FTCDNL1: variants seen among roughly 807,000 people sequenced by gnomAD.
FTCDNL1 encodes formiminotransferase cyclodeaminase N-terminal like, also known as formiminotransferase N-terminal subdomain-containing protein.
FTCDNL1 carries 11 observed loss-of-function variants against 5.9 expected under a neutral mutation model. That is an observed-to-expected ratio of 1.87 (90% CI 1.18 to 3.10). The LOEUF (loss-of-function observed/expected upper bound fraction) is 3.10. FTCDNL1 is among the 30% of genes most tolerant of loss of function. The pLI is 0.00. For synonymous variants in FTCDNL1, 58 were observed against 24.8 expected (o/e 2.34, Z -3.99); for missense variants, 115 against 65.5 (o/e 1.76, Z -2.61).
chr2:199,837,621 G>A (rs1206616732), intron 3 of FTCDNL1, among the ~76,000 whole-genome samples: 1 of 152,018 alleles, frequency 6.6e-6, no homozygotes, highest in Non-Finnish European at 1.5e-5. Flanking sequence ...GAGTGTTGAC[G>A]CTGTGTGAAT....
the FTCDNL1 span, among the ~76,000 whole-genome samples, chr2:199,664,230 C>A: frequency 6.6e-6 from 1 of 152,048 alleles, no homozygotes; most frequent in African/African-American, 2.4e-5. Flanking sequence ...TTGGCAGAAC[C>A]CCAAATGGGC....
chr2:199,695,222 T>C, the FTCDNL1 span, among the ~76,000 whole-genome samples: 1 of 152,184 alleles, frequency 6.6e-6, no homozygotes, highest in Non-Finnish European at 1.5e-5. Flanking sequence ...ATAATTCTAA[T>C]AGAGGGAAGG....
the FTCDNL1 span, among the ~76,000 whole-genome samples, chr2:199,727,036 T>C: frequency 6.6e-6 from 1 of 152,208 alleles, no homozygotes; most frequent in East Asian, 1.9e-4. Context: ...CCAGAAACCA[T>C]GGCCACCCCT....
the FTCDNL1 span, among the ~76,000 whole-genome samples, chr2:199,699,662 C>A: frequency 6.6e-6 from 1 of 152,118 alleles, no homozygotes; most frequent in African/African-American, 2.4e-5. Flanking sequence ...AAAATACTAA[C>A]AAACCAAATC....
chr2:199,776,136 T>C (rs1699057890), intron 3 of FTCDNL1, among the ~76,000 whole-genome samples: 1 of 151,984 alleles, frequency 6.6e-6, no homozygotes, highest in South Asian at 2.1e-4. Context: ...ATGGTCTCAA[T>C]CTCCTGACCT....
At chr2:199,690,412 C>T in the FTCDNL1 span, among the ~76,000 whole-genome samples, 1 of 152,178 alleles carries the variant, frequency 6.6e-6, no homozygotes, top group Non-Finnish European at 1.5e-5. Flanking sequence ...AGGCCCGTTC[C>T]ATTCACTCCC....
chr2:199,804,859 G>T (rs1400845750), downstream of FTCDNL1, among the ~76,000 whole-genome samples: 1 of 152,150 alleles, frequency 6.6e-6, no homozygotes, highest in Non-Finnish European at 1.5e-5. Flanking sequence ...AAAAAAAATT[G>T]TCAACAGTTG....
At chr2:199,745,143 G>C in the FTCDNL1 span, among the ~76,000 whole-genome samples, 1 of 152,212 alleles carries the variant, frequency 6.6e-6, no homozygotes, top group Non-Finnish European at 1.5e-5. Flanking sequence ...CCACTTCACT[G>C]CAGTGTCTAG....
intron 3 of FTCDNL1, among the ~76,000 whole-genome samples, chr2:199,764,108 T>A (rs901776731): frequency 6.6e-6 from 1 of 152,158 alleles, no homozygotes; most frequent in African/African-American, 2.4e-5. Flanking sequence ...TCCCAAAGTG[T>A]TGGGATAACA....
chr2:199,789,286 A>T (rs1699807378), intron 3 of FTCDNL1, among the ~76,000 whole-genome samples: 1 of 152,186 alleles, frequency 6.6e-6, no homozygotes, highest in Non-Finnish European at 1.5e-5. Context: ...GATATAACGA[A>T]GAGTAGTTTA....
At chr2:199,776,956 ATATGTGTGTGTG>A (rs1699115651) in intron 3 of FTCDNL1, among the ~76,000 whole-genome samples, 1 of 110,172 alleles carries the variant, frequency 9.1e-6, no homozygotes, top group Non-Finnish European at 1.8e-5. Flanking sequence ...AGATGTGTGT[ATATGTGTGTGTG>A]TGTGTGTGTG....
At chr2:199,771,241 C>T (rs908263170) in intron 3 of FTCDNL1, among the ~76,000 whole-genome samples, 2 of 152,158 alleles carry the variant, frequency 1.3e-5, no homozygotes, top group East Asian at 1.9e-4. Flanking sequence ...ATGAAGCCAA[C>T]GGAGTGCTAC....
At chr2:199,756,362 TG>T (rs1247471284), downstream of FTCDNL1, among the ~76,000 whole-genome samples, 3 of 151,960 alleles carry the variant, frequency 2.0e-5, no homozygotes, top group South Asian at 2.1e-4. Flanking sequence ...TGAAAGGGCG[TG>T]GGGGTGGGAG....
At chr2:199,701,299 TAAAAAAAAAAAAAAAAAAAAAAAAAAAAA>T in the FTCDNL1 span, among the ~76,000 whole-genome samples, 11,231 of 72,212 alleles carry the variant, frequency 0.16, 1,524 homozygotes, top group Non-Finnish European at 0.21. Flanking sequence ...CTTGAAAGTT[TAAAAAAAAAAAAAAAAAAAAAAAAAAAAA>T]AAAAAAAAAA....
chr2:199,845,375 T>C (rs1011193002), intron 3 of FTCDNL1, among the ~76,000 whole-genome samples: 3 of 152,104 alleles, frequency 2.0e-5, no homozygotes, highest in Admixed American at 2.0e-4. Flanking sequence ...GAGACCAGCC[T>C]GGCCAACACG....
At chr2:199,794,395 A>G (rs537096179) in intron 3 of FTCDNL1, among the ~76,000 whole-genome samples, 2 of 152,340 alleles carry the variant, frequency 1.3e-5, no homozygotes, top group South Asian at 4.1e-4. Flanking sequence ...CAGTGGCCCA[A>G]AGATTCCAAA....
chr2:199,711,359 G>T, the FTCDNL1 span, among the ~76,000 whole-genome samples: 2 of 127,222 alleles, frequency 1.6e-5, no homozygotes, highest in Admixed American at 1.7e-4. Flanking sequence ...TCTAATGGGG[G>T]TTGTGAGGGG....
chr2:199,782,169 A>G (rs575161141), intron 3 of FTCDNL1, among the ~76,000 whole-genome samples: 2 of 152,312 alleles, frequency 1.3e-5, no homozygotes, highest in East Asian at 3.9e-4. Context: ...TGAATTTGTG[A>G]TAGTTCACTC....
At chr2:199,816,031 C>A (rs199715730) in intron 4 of FTCDNL1, among the ~76,000 whole-genome samples, 2 of 123,834 alleles carry the variant, frequency 1.6e-5, no homozygotes, top group East Asian at 2.3e-4. Context: ...AGAAAGAAAG[C>A]AATTTACTTC....
Sources: gnomAD v4.1 joint callset for allele counts (sites outside exome capture counted in the v4.1 genomes callset) on GRCh38, gnomAD v4.1.1 for gene constraint, MANE v1.5 for transcripts, NCBI Gene and HGNC (gene_info 2026-07-23, HGNC 2026-07-21) for gene names.